Variants in UPF3B observed in about 807,000 individuals in gnomAD.
UPF3B encodes the protein UPF3B regulator of nonsense mediated mRNA decay.
UPF3B carries 7 observed loss-of-function variants against 40.3 expected under a neutral mutation model. The ratio of observed to expected loss-of-function variants is 0.17; its 90% confidence interval spans 0.10 to 0.33. The LOEUF (loss-of-function observed/expected upper bound fraction) is 0.33. Ranked by LOEUF, UPF3B falls within the 10% of genes least tolerant of loss-of-function variation. The pLI is 1.00. For synonymous variants in UPF3B, 117 were observed against 117.3 expected, an observed-to-expected ratio of 1.00 and a Z score of 0.01; for missense variants, 229 against 358.9, an observed-to-expected ratio of 0.64 and a Z score of 2.93.
chrX:119,851,039 C>T (rs1275905184), intron 3 of UPF3B, among the ~76,000 whole-genome samples: 2 of 111,985 alleles, frequency 1.8e-5, no homozygotes, highest in Non-Finnish European at 3.8e-5. Flanking sequence ...CACACCAGGC[C>T]GAGATGTATC....
At chrX:119,815,799 T>C (rs1411456945) in intron 4 of UPF3B, among the ~76,000 whole-genome samples, 1 of 112,021 alleles carries the variant, frequency 8.9e-6, no homozygotes, top group East Asian at 2.8e-4. Context: ...ATTGCCTGCA[T>C]AGACGAAGTT....
intron 10 of UPF3B, 135 bp from the exon 11 acceptor site, chrX:119,835,162 A>C: frequency 1.5e-6 from 1 of 688,951 alleles, no homozygotes; most frequent in Non-Finnish European, 2.2e-6. Flanking sequence ...GGGCACGGTA[A>C]ATGACAACTT....
downstream of UPF3B, chrX:119,831,770 A>G (rs998471807): frequency 2.3e-5 from 16 of 695,650 alleles, no homozygotes; most frequent in Non-Finnish European, 2.7e-5. Flanking sequence ...CTGAAGTACA[A>G]TGAAATATGT....
chrX:119,805,726 G>A (rs2055784974), intron 6 of UPF3B, among the ~76,000 whole-genome samples: 1 of 108,974 alleles, frequency 9.2e-6, no homozygotes, highest in South Asian at 4.0e-4. Flanking sequence ...AAAAACACAT[G>A]AAAAAATGCT....
At position 119,837,670 on chromosome X, in the gene UPF3B, TATA is replaced by T. The variant is rs772041087; in HGVS notation, c.1302+84_1302+86del. ...GATTAAAGTTCCCCTTTAAAAATTC[TATA>T]ATAACAGTGCCCTTTACACTTTCTT... On this transcript the variant is annotated intron_variant, in intron 10 of 10. Transcript: ENST00000276201. 1.9e-4 allele frequency: 184 copies of T among 949,504 alleles called. No individual in the cohort carries two copies. The African/African-American group carries it at 3.3e-3, about 17-fold the overall frequency. 78.2% of individuals were successfully genotyped at this position (949,504 alleles called of 1,213,427 possible).
intron 4 of UPF3B, among the ~76,000 whole-genome samples, chrX:119,821,517 G>T (rs2055918905): frequency 8.9e-6 from 1 of 112,548 alleles, no homozygotes; most frequent in Non-Finnish European, 1.9e-5. Context: ...CTCACAGCTG[G>T]CTGGGCGTGG....
chrX:119,851,355 G>A lies in UPF3B; in HGVS notation c.370+140C>T, dbSNP rs975541373. On this transcript the variant is annotated intron_variant, in intron 3 of 10. Coordinates refer to ENST00000276201, the MANE Select transcript of UPF3B (RefSeq NM_080632.3). ...AGGTTAATAAAAATAACCAAGGACT[G>A]TGAAAAGTCACGTCTATTTATAAGA... The A allele has an allele frequency of 1.2e-5, 6 of 484,191 alleles. No homozygotes were observed. The African/African-American group carries it at 1.4e-4, about 12-fold the overall frequency. The allele number at this position is 484,191 out of a possible 1,213,427, so 39.9% of individuals were successfully genotyped here.
intron 4 of UPF3B, among the ~76,000 whole-genome samples, chrX:119,821,209 T>G (rs756540600): frequency 4.5e-5 from 5 of 111,830 alleles, no homozygotes; most frequent in Admixed American, 9.5e-5. Flanking sequence ...CTGCTTCACT[T>G]TCCGCCATGA....
At chrX:119,810,128 G>A (rs771622160) in intron 5 of UPF3B, among the ~76,000 whole-genome samples, 2 of 112,258 alleles carry the variant, frequency 1.8e-5, no homozygotes, top group South Asian at 3.7e-4. Flanking sequence ...AGAAACAACA[G>A]TCAACACCAT....
rs2055846070 is a variant in UPF3B at position 119,814,297 on chromosome X, A to G, written c.602+903T>C. 3.6e-5 allele frequency among the ~76,000 whole-genome samples: 4 copies of G among 112,226 alleles called. No individual in the cohort carries two copies. The South Asian group carries it at 1.1e-3, about 31-fold the overall frequency. On this transcript the variant is annotated intron_variant, in intron 5 of 6. Transcript: ENST00000636792. ...AACAAGGACTACATTTTACCTCTTA[A>G]TAAAAAAAATGCTGGAGACAAAACA... is the stretch of plus-strand genomic sequence containing the variant.
At chrX:119,838,852 C>T (rs1036715310) in intron 8 of UPF3B, among the ~76,000 whole-genome samples, 23 of 111,456 alleles carry the variant, frequency 2.1e-4, no homozygotes, top group Non-Finnish European at 3.6e-4. Context: ...CATGGCTCAC[C>T]GCAACCTTGA....
At chrX:119,839,353 T>C (rs1670743005) in intron 8 of UPF3B, among the ~76,000 whole-genome samples, 1 of 112,400 alleles carries the variant, frequency 8.9e-6, no homozygotes, top group African/African-American at 3.2e-5. Context: ...TAGAGATTAA[T>C]AACAAGAATT....
chrX:119,848,171 A>G (rs756342685), intron 3 of UPF3B, among the ~76,000 whole-genome samples: 1 of 105,816 alleles, frequency 9.5e-6, no homozygotes, highest in South Asian at 4.3e-4. Flanking sequence ...AATCCCAGCT[A>G]CTTGGGAGGC....
At chrX:119,851,629 T>A in intron 2 of UPF3B, 28 bp from the exon 3 acceptor site, 1 of 1,082,580 alleles carries the variant, frequency 9.2e-7, no homozygotes, top group Non-Finnish European at 1.3e-6. Context: ...ATTATGTAAA[T>A]GTACTCGCAG....
chrX:119,843,049 G>A, intron 5 of UPF3B, 142 bp downstream of exon 5: 1 of 479,411 alleles, frequency 2.1e-6, no homozygotes, highest in Non-Finnish European at 3.7e-6. Flanking sequence ...TGTGAGGCAG[G>A]TATTACCATC....
intron 4 of UPF3B, among the ~76,000 whole-genome samples, chrX:119,819,298 C>A (rs933180541): frequency 9.0e-6 from 1 of 110,591 alleles, no homozygotes; most frequent in South Asian, 3.8e-4. Flanking sequence ...GTGATCCTCC[C>A]ATCTCGGCCT....
At chrX:119,805,939 T>C (rs2055787155) in intron 6 of UPF3B, among the ~76,000 whole-genome samples, 1 of 72,657 alleles carries the variant, frequency 1.4e-5, no homozygotes, top group South Asian at 8.6e-4. Flanking sequence ...TCCTCAGGGA[T>C]CTAGAACTAG....
At chrX:119,807,952 C>A (rs758715590) in intron 5 of UPF3B, among the ~76,000 whole-genome samples, 1 of 111,646 alleles carries the variant, frequency 9.0e-6, no homozygotes, top group Admixed American at 9.6e-5. Flanking sequence ...TGCAACCACA[C>A]TGGGCTAAGT....
chrX:119,846,801 C>T (rs1480404109), intron 3 of UPF3B, among the ~76,000 whole-genome samples: 2 of 111,658 alleles, frequency 1.8e-5, no homozygotes, highest in African/African-American at 6.5e-5. Flanking sequence ...TTAGAAACTT[C>T]TATGCATCAA....
Sources: gnomAD v4.1 joint callset for allele counts (sites outside exome capture counted in the v4.1 genomes callset) on GRCh38, gnomAD v4.1.1 for gene constraint, MANE v1.5 for transcripts, NCBI Gene and HGNC (gene_info 2026-07-23, HGNC 2026-07-21) for gene names.